Variants in ELF1 observed in about 807,000 individuals in gnomAD.
ELF1 encodes the protein E74 like ETS transcription factor 1, also known as ETS-related transcription factor Elf-1.
ELF1 carries 24 observed loss-of-function variants against 59.9 expected under a neutral mutation model. The ratio of observed to expected loss-of-function variants is 0.40; its 90% confidence interval spans 0.29 to 0.56. ELF1 has a LOEUF of 0.56. Ranked by LOEUF, ELF1 falls within the 20% of genes least tolerant of loss-of-function variation. The pLI, the probability that ELF1 is intolerant of heterozygous loss-of-function variation, is 0.44. For synonymous variants in ELF1, 248 were observed against 266.2 expected, an observed-to-expected ratio of 0.93 and a Z score of 0.67; for missense variants, 627 against 742.2, an observed-to-expected ratio of 0.84 and a Z score of 1.80.
At chr13:41,049,667 C>G (rs1451013725) in intron 1 of ELF1, among the ~76,000 whole-genome samples, 1 of 152,136 alleles carries the variant, frequency 6.6e-6, no homozygotes, top group Admixed American at 6.5e-5. Context: ...CTCTCTCTTC[C>G]CTTTTCTCCC....
chr13:40,945,961 A>G (rs913870014), intron 5 of ELF1, among the ~76,000 whole-genome samples: 4 of 152,290 alleles, frequency 2.6e-5, no homozygotes, highest in Non-Finnish European at 5.9e-5. Flanking sequence ...CTCGTGCCTC[A>G]GCCTCCCAAG....
chr13:41,058,974 A>C (rs1877388818), intron 1 of ELF1, among the ~76,000 whole-genome samples: 1 of 150,910 alleles, frequency 6.6e-6, no homozygotes, highest in African/African-American at 2.5e-5. Flanking sequence ...ACTCCGTCTC[A>C]ACAAAAAAAA....
At chr13:41,032,197 T>A (rs1876192905) in intron 1 of ELF1, among the ~76,000 whole-genome samples, 1 of 151,636 alleles carries the variant, frequency 6.6e-6, no homozygotes, top group African/African-American at 2.4e-5. Context: ...CCTCTCCATT[T>A]TTATTTAATA....
At chr13:40,934,901 C>T (rs889011404) in intron 8 of ELF1, among the ~76,000 whole-genome samples, 5 of 152,174 alleles carry the variant, frequency 3.3e-5, no homozygotes, top group African/African-American at 9.7e-5. Flanking sequence ...TAATAGCTCA[C>T]ATTTCATGTC....
chr13:40,954,123 C>T (rs1348691273), intron 3 of ELF1, among the ~76,000 whole-genome samples: 1 of 152,186 alleles, frequency 6.6e-6, no homozygotes, highest in Non-Finnish European at 1.5e-5. Flanking sequence ...AACTTCTAAC[C>T]TGATTAGTCC....
At chr13:40,954,980 C>T (rs1413321891) in intron 3 of ELF1, among the ~76,000 whole-genome samples, 87 of 146,076 alleles carry the variant, frequency 6.0e-4, no homozygotes, top group African/African-American at 2.1e-3. Flanking sequence ...TCTGCCCGGC[C>T]GCCATCCCAT....
intron 1 of ELF1, among the ~76,000 whole-genome samples, chr13:41,010,465 C>T (rs553980967): frequency 6.1e-4 from 88 of 143,926 alleles, no homozygotes; most frequent in Non-Finnish European, 1.1e-3. Context: ...CCCACCCCCC[C>T]AAAAAAATAC....
chr13:41,004,326 T>A (rs1874626701), intron 1 of ELF1, among the ~76,000 whole-genome samples: 1 of 151,966 alleles, frequency 6.6e-6, no homozygotes, highest in African/African-American at 2.4e-5. Context: ...TCTGTTTTTT[T>A]CCAAGGAGAG....
intron 8 of ELF1, 63 bp from the exon 9 acceptor site, chr13:40,934,091 C>T: frequency 6.5e-7 from 1 of 1,529,830 alleles, no homozygotes; most frequent in Non-Finnish European, 8.8e-7. Flanking sequence ...AAAACTTTAA[C>T]ACTTGACAAG....
chr13:41,028,597 C>T (rs1876039184), intron 1 of ELF1, among the ~76,000 whole-genome samples: 1 of 152,122 alleles, frequency 6.6e-6, no homozygotes, highest in Non-Finnish European at 1.5e-5. Flanking sequence ...TATATTCTCC[C>T]TATTTTGTTC....
At chr13:41,014,094 G>C (rs1875228323) in intron 1 of ELF1, among the ~76,000 whole-genome samples, 1 of 151,974 alleles carries the variant, frequency 6.6e-6, no homozygotes, top group Admixed American at 6.6e-5. Flanking sequence ...GTAGAACACA[G>C]GACGAGGACA....
intron 1 of ELF1, among the ~76,000 whole-genome samples, chr13:41,024,580 T>C (rs1875817063): frequency 6.6e-6 from 1 of 152,196 alleles, no homozygotes; most frequent in African/African-American, 2.4e-5. Flanking sequence ...TTTTGCCATG[T>C]TGCCAAGGCT....
At chr13:40,987,456 A>G (rs1290843372) in intron 1 of ELF1, among the ~76,000 whole-genome samples, 3 of 150,238 alleles carry the variant, frequency 2.0e-5, no homozygotes, top group Admixed American at 6.6e-5. Context: ...CATGGTGGTG[A>G]GTGCCTGTAA....
chr13:40,993,163 T>C, intron 1 of ELF1: 1 of 1,509,816 alleles, frequency 6.6e-7, no homozygotes, highest in Non-Finnish European at 9.2e-7. Flanking sequence ...ATTTTTGTAG[T>C]GTGTGTGGTT....
intron 1 of ELF1, among the ~76,000 whole-genome samples, chr13:41,012,312 C>CAAAAAAA (rs56791748): frequency 1.5e-5 from 1 of 65,038 alleles, no homozygotes; most frequent in Non-Finnish European, 2.8e-5. Context: ...GACTCTGTCT[C>CAAAAAAA]AAAAAAAAAA....
At position 41,039,251 on chromosome 13, in the gene ELF1, G is replaced by A. The variant is rs1414826554; in HGVS notation, c.-229+21587C>T. ...CCCATCTTAAAAAATAAATAAGTAA[G>A]TAAATAAATAATTTTTAAAATTACC... On this transcript the variant is annotated intron_variant, in intron 1 of 1. Transcript: ENST00000405737. Among the ~76,000 whole-genome samples, 11 of 139,744 alleles carry A rather than the reference G, an allele frequency of 7.9e-5. 1 individual carries two copies. Among genetic ancestry groups the A allele is most frequent in the African/African-American group, 2.9e-4 (11 of 37,494 alleles). 91.7% of individuals were successfully genotyped at this position (139,744 alleles called of 152,430 possible). A position where few individuals can be genotyped will look rare whatever the true frequency, so the allele number is the denominator to read the frequency against.
intron 2 of ELF1, among the ~76,000 whole-genome samples, chr13:40,979,003 A>C (rs1271787113): frequency 1.4e-5 from 2 of 145,480 alleles, no homozygotes; most frequent in Non-Finnish European, 3.1e-5. Flanking sequence ...CAGTGGGCAC[A>C]GCACCCAATA....
intron 1 of ELF1, among the ~76,000 whole-genome samples, chr13:41,010,797 C>T (rs1791983536): frequency 6.6e-6 from 1 of 151,880 alleles, no homozygotes; most frequent in Non-Finnish European, 1.5e-5. Flanking sequence ...TTATAGGAAC[C>T]CTCAGACAAT....
upstream of ELF1, among the ~76,000 whole-genome samples, chr13:41,022,783 G>A (rs559587212): frequency 5.9e-5 from 9 of 152,268 alleles, no homozygotes; most frequent in East Asian, 1.5e-3. Context: ...GGAGGCTGAG[G>A]CAGGAGAATC....
Sources: allele counts gnomAD v4.1 joint callset (sites outside exome capture counted in the v4.1 genomes callset), GRCh38; gene constraint gnomAD v4.1.1; transcripts MANE v1.5; gene names NCBI Gene and HGNC (gene_info 2026-07-23, HGNC 2026-07-21).